ROBO2: variants seen among roughly 807,000 people sequenced by gnomAD.
The protein encoded by ROBO2 is roundabout guidance receptor 2.
ROBO2 carries 53 observed loss-of-function variants against 160.8 expected under a neutral mutation model. The observed-to-expected ratio is 0.33, with a 90% CI of 0.26 to 0.41. ROBO2 has a LOEUF of 0.41. ROBO2 is among the 10% of genes least tolerant of loss of function. The pLI, the probability that ROBO2 is intolerant of heterozygous loss-of-function variation, is 1.00. For synonymous variants in ROBO2, 664 were observed against 611.7 expected, an observed-to-expected ratio of 1.09 and a Z score of -1.26; for missense variants, 1,577 against 1,722.4, an observed-to-expected ratio of 0.92 and a Z score of 1.49.
rs1213301441 is a variant in ROBO2, at chr3:77,226,561, C to A, written c.388+128221C>A. Among the ~76,000 whole-genome samples the A allele has an allele frequency of 3.3e-5, 5 of 152,148 alleles. No individual in the cohort carries two copies. In the East Asian group the frequency reaches 5.8e-4, roughly 18 times the overall value. ...TCTTGAACACCTACTATTTTGCCTT[C>A]TTATATCATCTCAATTGACAAAGTC... On this transcript the variant is annotated intron_variant, in intron 2 of 25. Transcript: ENST00000461745.
Position 75,945,820 on chromosome 3 carries a change from T to G in ROBO2, c.109+8218T>G, listed in dbSNP as rs561919405. 7.5e-5 allele frequency among the ~76,000 whole-genome samples: 9 copies of G among 119,244 alleles called. No individual in the cohort carries two copies. The South Asian group carries it at 3.4e-3, about 45-fold the overall frequency. The allele number at this position is 119,244 out of a possible 152,430, so 78.2% of individuals were successfully genotyped here. The stretch of plus-strand genomic sequence containing the variant: ...CTAATTAGAAAAGTAACTTGTTCTG[T>G]TGGATGATTTTGATAAAGCTACTTT... On this transcript the variant is annotated intron_variant, in intron 2 of 26. Transcript: ENST00000487694.
rs1341134932 is a variant in ROBO2 at position 77,628,372 on chromosome 3, C to T, written c.3760+5940C>T. 2.7e-5 allele frequency among the ~76,000 whole-genome samples: 4 copies of T among 147,994 alleles called. No individual in the cohort carries two copies. The East Asian group carries it at 8.1e-4, about 30-fold the overall frequency. ...AGAAAATCAGTTATCACAAAAGTGA[C>T]TTACTTTTAAATTTGTAGATTAATG... On this transcript the variant is annotated intron_variant, in intron 23 of 25. Coordinates refer to ENST00000461745, the Ensembl canonical transcript of ROBO2.
chr3:77,584,909 T>A (rs935652242), intron 16 of ROBO2, among the ~76,000 whole-genome samples: 1 of 149,742 alleles, frequency 6.7e-6, no homozygotes, highest in African/African-American at 2.4e-5. Flanking sequence ...TGTGTGTGTG[T>A]GTATACACAC....
At chr3:77,173,770 A>G (rs1020769454) in intron 2 of ROBO2, among the ~76,000 whole-genome samples, 4 of 152,060 alleles carry the variant, frequency 2.6e-5, no homozygotes, top group Admixed American at 2.0e-4. Context: ...GTTTCTGAAA[A>G]TGTTATACCT....
chr3:77,362,976 G>T (rs2070272612), intron 2 of ROBO2, among the ~76,000 whole-genome samples: 1 of 152,258 alleles, frequency 6.6e-6, no homozygotes, highest in African/African-American at 2.4e-5. Flanking sequence ...CAACATGTGG[G>T]AATTGCAGGA....
intron 21 of ROBO2, among the ~76,000 whole-genome samples, chr3:77,611,076 A>G (rs958684477): frequency 1.3e-5 from 2 of 152,068 alleles, no homozygotes; most frequent in Non-Finnish European, 2.9e-5. Context: ...AGGTGGGCGG[A>G]TCACGAGGTC....
chr3:76,271,095 T>A (rs7645994), intron 2 of ROBO2, among the ~76,000 whole-genome samples: 27,157 of 152,024 alleles, frequency 0.18, 3,827 homozygotes, highest in East Asian at 0.41. Flanking sequence ...ATCGGAAAGA[T>A]GTTTTTATAG....
chr3:76,294,458 T>C (rs923335366), intron 2 of ROBO2, among the ~76,000 whole-genome samples: 2 of 152,194 alleles, frequency 1.3e-5, no homozygotes, highest in African/African-American at 4.8e-5. Flanking sequence ...CACTGAGCTT[T>C]ACGTACCTTA....
At chr3:76,682,173 G>C (rs2106948921) in intron 2 of ROBO2, among the ~76,000 whole-genome samples, 1 of 152,230 alleles carries the variant, frequency 6.6e-6, no homozygotes, top group South Asian at 2.1e-4. Context: ...GGTGGACGTA[G>C]AGAAGGGGAA....
chr3:77,100,418 T>C (rs1222069727), intron 2 of ROBO2, among the ~76,000 whole-genome samples: 3 of 152,176 alleles, frequency 2.0e-5, no homozygotes, highest in Non-Finnish European at 4.4e-5. Flanking sequence ...TCTTTCCTTA[T>C]GTGTTTCATA....
intron 2 of ROBO2, among the ~76,000 whole-genome samples, chr3:76,684,933 T>G (rs1447055138): frequency 1.3e-5 from 2 of 151,844 alleles, no homozygotes; most frequent in Non-Finnish European, 2.9e-5. Context: ...CCAGGCAAAA[T>G]TTTTGTATAG....
rs1414664360 is a variant in ROBO2 at position 76,049,403 on chromosome 3, A to ATATATATATTTTTTTT, written c.109+111802_109+111803insATATATATTTTTTTTT. Reference sequence around the variant, plus strand: ...TTTTAGTATATATATATATATATATATTTTTTTTTTTTTTTTTTTTTGTAG... The same window carrying ATATATATATTTTTTTT: ...TTTTAGTATATATATATATATATATATATATATATTTTTTTTTTTTTTTTTTTTTTTTTTTTTGTAG... On this transcript the variant is annotated intron_variant, in intron 2 of 26. Transcript: ENST00000487694. Among the ~76,000 whole-genome samples, 5 of 53,762 alleles carry ATATATATATTTTTTTT rather than the reference A, an allele frequency of 9.3e-5. No individual in the cohort carries two copies. The East Asian group carries it at 1.9e-3, about 20-fold the overall frequency. 35.3% of individuals were successfully genotyped at this position (53,762 alleles called of 152,430 possible).
At chr3:76,881,515 C>T (rs940277086) in intron 2 of ROBO2, among the ~76,000 whole-genome samples, 6 of 152,112 alleles carry the variant, frequency 3.9e-5, no homozygotes, top group Non-Finnish European at 8.8e-5. Context: ...CTACTCACTT[C>T]CTAATGCCAT....
exon 8 of ROBO2, chr3:77,550,926 A>C: frequency 1.2e-6 from 2 of 1,613,072 alleles, no homozygotes; most frequent in Non-Finnish European, 1.7e-6. Context: ...GGGTTACTAC[A>C]TCTGCCAGGC....
At position 76,836,715 on chromosome 3, in the gene ROBO2, G is replaced by T. The variant is rs950119041; in HGVS notation, c.110-261299G>T. On this transcript the variant is annotated intron_variant, in intron 2 of 26. Transcript: ENST00000487694. ...ATATCTAGATATCTTTCTTTTATTG[G>T]TTTTTATTTTAATGCCATTATAGTC... Among the ~76,000 whole-genome samples, 4 of 151,250 alleles carry T rather than the reference G, an allele frequency of 2.6e-5. No individual in the cohort carries two copies. The East Asian group carries it at 5.8e-4, about 22-fold the overall frequency.
At chr3:76,347,247 C>T (rs2074585239) in intron 2 of ROBO2, among the ~76,000 whole-genome samples, 1 of 152,024 alleles carries the variant, frequency 6.6e-6, no homozygotes, top group South Asian at 2.1e-4. Flanking sequence ...CTGCTTTGAC[C>T]TGAGGATTTA....
intron 2 of ROBO2, among the ~76,000 whole-genome samples, chr3:76,664,923 A>T (rs1229625259): frequency 6.6e-6 from 1 of 152,192 alleles, no homozygotes; most frequent in Non-Finnish European, 1.5e-5. Flanking sequence ...GAACCAGGAG[A>T]CAGTACTGGA....
At chr3:76,986,293 G>A (rs182953362) in intron 2 of ROBO2, among the ~76,000 whole-genome samples, 2 of 152,104 alleles carry the variant, frequency 1.3e-5, no homozygotes, top group African/African-American at 4.8e-5. Context: ...GTTTACTATT[G>A]ATCAAAATTC....
rs75533476 is a variant in ROBO2 at position 76,533,526 on chromosome 3, C to G, written c.110-564488C>G. On this transcript the variant is annotated intron_variant, in intron 2 of 26. Transcript: ENST00000487694. ...ATTATAAAAATAGAACTATATCATC[C>G]GGGCATAAGCATAGTGGAAACAAAG... 3.1e-3 allele frequency among the ~76,000 whole-genome samples: 467 copies of G among 152,160 alleles called. 3 individuals are homozygous for G. Among genetic ancestry groups the G allele is most frequent in the African/African-American group, 0.011 (459 of 41,508 alleles).
Sources: gnomAD v4.1 joint callset for allele counts (sites outside exome capture counted in the v4.1 genomes callset) on GRCh38, gnomAD v4.1.1 for gene constraint, MANE v1.5 for transcripts, NCBI Gene and HGNC (gene_info 2026-07-23, HGNC 2026-07-21) for gene names.